MTREX: variants seen among roughly 807,000 people sequenced by gnomAD.
The protein encoded by MTREX is exosome RNA helicase MTR4.
Under a neutral mutation model 135.4 loss-of-function variants are expected in MTREX, and 76 were observed. The ratio of observed to expected loss-of-function variants is 0.56; its 90% CI spans 0.47 to 0.68. The LOEUF (loss-of-function observed/expected upper bound fraction) is 0.68, where lower values mean the gene tolerates loss of function less well. Among genes scored for constraint, MTREX ranks in the 30% least tolerant of loss-of-function variants. MTREX has a pLI of 0.00. For synonymous variants in MTREX, 404 were observed against 401.6 expected (o/e 1.01, Z -0.07); for missense variants, 920 against 1,262.1 (o/e 0.73, Z 4.11).
In MTREX at chr5:55,383,830, T is replaced by A. The variant is rs572866922; in HGVS notation, c.2053-4144T>A. Among the ~76,000 whole-genome samples, 8 of 152,292 alleles carry A rather than the reference T, an allele frequency of 5.3e-5. No individual in the cohort carries two copies. In the East Asian group the frequency reaches 1.4e-3, roughly 26 times the overall value. ...TGTTACCTAGGTTAGAGTGCAGTGG[T>A]GCAATCATGGCTTACTGCAGCCTCA... On this transcript the variant is annotated intron_variant, in intron 18 of 26. Transcript: ENST00000230640.
intron 9 of MTREX, 28 bp downstream of exon 9, chr5:55,344,648 C>A: frequency 7.7e-7 from 1 of 1,292,912 alleles, no homozygotes; most frequent in Non-Finnish European, 1.1e-6. Context: ...CTTTTTAAAT[C>A]TATAATGTCA....
At chr5:55,378,987 A>G (rs1483645722) in intron 17 of MTREX, 140 bp from the exon 18 acceptor site, 6 of 592,896 alleles carry the variant, frequency 1.0e-5, no homozygotes, top group African/African-American at 3.8e-5. Flanking sequence ...CTTGTTTCTT[A>G]AATTTAGCAG....
At chr5:55,339,715 C>T (rs1392241206) in intron 5 of MTREX, among the ~76,000 whole-genome samples, 1 of 152,158 alleles carries the variant, frequency 6.6e-6, no homozygotes. Context: ...ATTTTGGAAG[C>T]CCGTCTTAGA....
intron 15 of MTREX, among the ~76,000 whole-genome samples, chr5:55,362,558 G>A (rs1471519059): frequency 4.6e-5 from 7 of 151,170 alleles, no homozygotes; most frequent in Non-Finnish European, 7.4e-5. Context: ...ATGGGATTTC[G>A]CCATGTTAGC....
intron 5 of MTREX, among the ~76,000 whole-genome samples, chr5:55,337,271 C>T: frequency 6.6e-6 from 1 of 151,944 alleles, no homozygotes; most frequent in East Asian, 1.9e-4. Flanking sequence ...CAGACGTGCG[C>T]TACCACACCC....
chr5:55,329,117 G>T (rs1336969542), intron 5 of MTREX, among the ~76,000 whole-genome samples: 2 of 152,118 alleles, frequency 1.3e-5, no homozygotes, highest in Non-Finnish European at 2.9e-5. Context: ...TTGGTTTGCA[G>T]AGATTTTGTT....
At chr5:55,423,058 C>T (rs1751079779) in intron 26 of MTREX, 76 bp downstream of exon 26, 1 of 1,060,732 alleles carries the variant, frequency 9.4e-7, no homozygotes, top group South Asian at 1.4e-5. Flanking sequence ...GGACCACAAC[C>T]TAGGAGGACG....
chr5:55,372,141 A>G (rs1305110657), intron 16 of MTREX, among the ~76,000 whole-genome samples: 6 of 152,166 alleles, frequency 3.9e-5, no homozygotes, highest in African/African-American at 1.4e-4. Context: ...TTCAGTGTGC[A>G]GTCTCCATTT....
At position 55,312,413 on chromosome 5, in the gene MTREX, CTTT is replaced by C. The variant is rs763700339; in HGVS notation, c.134+4275_134+4277del. Among the ~76,000 whole-genome samples, 239 of 139,772 alleles carry C rather than the reference CTTT, an allele frequency of 1.7e-3. 1 individual carries two copies. The highest frequency in any genetic ancestry group is 6.3e-3 in the African/African-American group (232 of 36,770). 91.7% of individuals were successfully genotyped at this position (139,772 alleles called of 152,430 possible). A position where few individuals can be genotyped will look rare whatever the true frequency, so the allele number is the denominator to read the frequency against. ...TACTCCTTTGCACTTATTTCTTCTT[CTTT>C]TTTTTTTTAATCTTATTGGGGTATA... is the stretch of plus-strand genomic sequence containing the variant. On this transcript the variant is annotated intron_variant, in intron 1 of 26. Coordinates refer to ENST00000230640, the MANE Select transcript of MTREX (RefSeq NM_015360.5).
chr5:55,406,618 CT>C, intron 22 of MTREX, among the ~76,000 whole-genome samples: 1 of 152,250 alleles, frequency 6.6e-6, no homozygotes, highest in Admixed American at 6.5e-5. Flanking sequence ...GATTCCAACT[CT>C]TGATGGGGAA....
chr5:55,379,929 T>C (rs866384647), intron 18 of MTREX, among the ~76,000 whole-genome samples: 3 of 152,274 alleles, frequency 2.0e-5, no homozygotes, highest in Middle Eastern at 6.8e-3. Context: ...TTACATTTTT[T>C]GTTTATTTTT....
rs117646096 is a variant in MTREX at position 55,409,309 on chromosome 5, G to A, written c.2646-1215G>A. Among the ~76,000 whole-genome samples the A allele has an allele frequency of 1.0e-3, 158 of 152,146 alleles. 1 individual carries two copies. The East Asian group carries it at 0.026, about 25-fold the overall frequency. On this transcript the variant is annotated intron_variant, in intron 22 of 26. Transcript: ENST00000230640. Reference sequence around the variant, plus strand: ...TTCATGTAATCATTCAACAGAAAGGGCCTAGTTATGTAACGTCTATGATAA... The same window carrying A: ...TTCATGTAATCATTCAACAGAAAGGACCTAGTTATGTAACGTCTATGATAA...
chr5:55,308,230 A>G, intron 1 of MTREX, 83 bp downstream of exon 1: 1 of 1,457,758 alleles, frequency 6.9e-7, no homozygotes, highest in Non-Finnish European at 9.2e-7. Flanking sequence ...GAAGAGCACG[A>G]GAAAGTGAAG....
chr5:55,314,860 C>T lies in MTREX; in HGVS notation c.134+6713C>T, dbSNP rs532331342. On this transcript the variant is annotated intron_variant, in intron 1 of 26. Transcript: ENST00000230640. ...TAGATTCTCATAAGGAGTGCACAAC[C>T]TAAATTCTTCACATGTACAATTCAC... is the stretch of plus-strand genomic sequence containing the variant. Among the ~76,000 whole-genome samples the T allele has an allele frequency of 2.6e-5, 4 of 152,270 alleles. No homozygotes were observed. The South Asian group carries it at 8.3e-4, about 32-fold the overall frequency.
At chr5:55,366,559 C>G (rs978774914) in intron 15 of MTREX, among the ~76,000 whole-genome samples, 166 bp from the exon 16 acceptor site, 8 of 152,056 alleles carry the variant, frequency 5.3e-5, no homozygotes, top group Admixed American at 4.6e-4. Context: ...CTTCACTTTC[C>G]CAAAGACCTG....
At chr5:55,382,448 G>A (rs1297682177) in intron 18 of MTREX, among the ~76,000 whole-genome samples, 1 of 152,078 alleles carries the variant, frequency 6.6e-6, no homozygotes, top group African/African-American at 2.4e-5. Context: ...GAATTCCAGT[G>A]TGATATAGAG....
chr5:55,419,186 G>A (rs114455009), intron 25 of MTREX, among the ~76,000 whole-genome samples: 1 of 152,268 alleles, frequency 6.6e-6, no homozygotes, highest in Non-Finnish European at 1.5e-5. Context: ...AATCAAAGCT[G>A]TAGCACACAG....
At chr5:55,404,033 T>C (rs1029801442) in intron 21 of MTREX, among the ~76,000 whole-genome samples, 7 of 152,208 alleles carry the variant, frequency 4.6e-5, no homozygotes, top group Non-Finnish European at 8.8e-5. Flanking sequence ...TTAATATTAG[T>C]TCCCTACCTT....
intron 2 of MTREX, among the ~76,000 whole-genome samples, chr5:55,323,213 TA>T (rs1244804454): frequency 6.6e-6 from 1 of 152,232 alleles, no homozygotes; most frequent in African/African-American, 2.4e-5. Flanking sequence ...AGTTACAAAA[TA>T]ATATTTGTAG....
Sources: allele counts gnomAD v4.1 joint callset (sites outside exome capture counted in the v4.1 genomes callset), GRCh38; gene constraint gnomAD v4.1.1; transcripts MANE v1.5; gene names NCBI Gene and HGNC (gene_info 2026-07-23, HGNC 2026-07-21).